SH3BP2: variants seen among roughly 807,000 people sequenced by gnomAD.
The protein encoded by SH3BP2 is SH3 domain-binding protein 2.
A neutral mutation model predicts 56.2 loss-of-function variants in SH3BP2; 38 were observed. The observed-to-expected ratio is 0.68, with a 90% CI of 0.52 to 0.89. The LOEUF (loss-of-function observed/expected upper bound fraction) is 0.89. Ranked by LOEUF, SH3BP2 falls within the 40% of genes least tolerant of loss-of-function variation. SH3BP2 has a pLI of 0.00. For synonymous variants in SH3BP2, 346 were observed against 316.7 expected (o/e 1.09, Z -0.98); for missense variants, 748 against 762.6 (o/e 0.98, Z 0.23).
At position 2,810,771 on chromosome 4, in the gene SH3BP2, A is replaced by T. The variant is rs897842516; in HGVS notation, c.-4-9843A>T. Among the ~76,000 whole-genome samples the T allele has an allele frequency of 1.3e-5, 2 of 151,742 alleles. No individual in the cohort carries two copies. The highest frequency in any genetic ancestry group is 4.8e-5 in the African/African-American group (2 of 41,296). On this transcript the variant is annotated intron_variant, in intron 1 of 12. Transcript: ENST00000503393. This position sits in a 1 kb window ranked among gnomAD's most constrained non-coding sequence, Gnocchi z 4.2. Reference sequence around the variant, plus strand: ...CCACAGGGCCTGGTCCCTCCTCTGGACCCTGCAGCCCCAACTGTCAGAACT... The same window carrying T: ...CCACAGGGCCTGGTCCCTCCTCTGGTCCCTGCAGCCCCAACTGTCAGAACT...
At chr4:2,797,966 C>T (rs1035973701) in intron 1 of SH3BP2, among the ~76,000 whole-genome samples, 4 of 152,222 alleles carry the variant, frequency 2.6e-5, no homozygotes, top group Non-Finnish European at 5.9e-5. Flanking sequence ...TGGCAGCTGC[C>T]GCCCAGTTGG....
In SH3BP2 at chr4:2,804,604, C is replaced by G. The variant is rs1036841388; in HGVS notation, c.-5+11466C>G. On this transcript the variant is annotated intron_variant, in intron 1 of 12. Transcript: ENST00000503393. ...CTGTACCCCACATGGCGTGGCCCACCCTGTGTCCCCTGGCCTCCTACCCAG... is the reference window on the plus strand; with the variant it reads ...CTGTACCCCACATGGCGTGGCCCACGCTGTGTCCCCTGGCCTCCTACCCAG... 5.3e-5 allele frequency among the ~76,000 whole-genome samples: 8 copies of G among 152,200 alleles called. 1 individual carries two copies. Among genetic ancestry groups the G allele is most frequent in the Admixed American group, 2.0e-4 (3 of 15,290 alleles).
chr4:2,796,210 C>G (rs1232958176), intron 1 of SH3BP2, among the ~76,000 whole-genome samples: 1 of 152,182 alleles, frequency 6.6e-6, no homozygotes, highest in Non-Finnish European at 1.5e-5. Context: ...ATTTGGGTTC[C>G]GTGCCGGGCC....
intron 3 of SH3BP2, 48 bp downstream of exon 3, chr4:2,823,085 G>A (rs926599566): frequency 7.3e-7 from 1 of 1,368,980 alleles, no homozygotes. Flanking sequence ...CAGCCAGCGG[G>A]TCCCTCCCAG....
At chr4:2,812,300 A>G (rs894614511) in intron 1 of SH3BP2, 1 of 1,547,904 alleles carries the variant, frequency 6.5e-7, no homozygotes, top group African/African-American at 1.4e-5. Context: ...CAGAAGCAGC[A>G]GGAGTGAGCT....
intron 11 of SH3BP2, 57 bp from the exon 12 acceptor site, chr4:2,832,933 C>A: frequency 6.4e-7 from 1 of 1,553,422 alleles, no homozygotes; most frequent in Middle Eastern, 1.7e-4. Flanking sequence ...CATGGTCTCC[C>A]GAGGCTGGTC....
At position 2,829,398 on chromosome 4, in the gene SH3BP2, T is replaced by C; in HGVS notation, c.587-95T>C. 2 of 1,345,890 alleles carry C rather than the reference T, an allele frequency of 1.5e-6. No individual in the cohort carries two copies. The highest frequency in any genetic ancestry group is 3.4e-5 in the Admixed American group (2 of 59,580). 83.4% of individuals were successfully genotyped at this position (1,345,890 alleles called of 1,614,324 possible). On this transcript the variant is annotated intron_variant, in intron 7 of 12. Coordinates refer to ENST00000503393, the MANE Select transcript of SH3BP2 (RefSeq NM_001122681.2). The surrounding 1 kb of genome is among the most constrained non-coding windows in gnomAD (Gnocchi z 4.9). ...GGCTGTGGGGTGGGCCTACCATGGG[T>C]TGCACTCCTGGTTGGCCTGGCTGAC...
rs1253764258 is a variant in SH3BP2 at position 2,829,640 on chromosome 4, C to T, written c.734C>T (p.Pro245Leu). 1 of 1,613,184 alleles carries T rather than the reference C, an allele frequency of 6.2e-7. No homozygotes were observed. The highest frequency in any genetic ancestry group is 8.5e-7 in the Non-Finnish European group (1 of 1,179,868). The stretch of plus-strand genomic sequence containing the variant: ...CCCCCGCCCCCTAAGCACGGCCTCC[C>T]AGATGTTGGCCTGGCTGCTGAGGAC... ...LPPPPPKHGLPDVGLAAEDSK... is the reference protein window; with the variant it reads ...LPPPPPKHGLLDVGLAAEDSK... Residue 245 changes from proline (P) to leucine (L), a missense_variant, in exon 8 of 13, where the codon CCA (proline) becomes CTA (leucine). Pro to Leu is a moderately conservative substitution (Grantham distance 98). Coordinates refer to ENST00000503393, the MANE Select transcript of SH3BP2 (RefSeq NM_001122681.2). The surrounding 1 kb of genome is among the most constrained non-coding windows in gnomAD (Gnocchi z 4.9).
At chr4:2,822,282 A>G (rs1479445962) in intron 2 of SH3BP2, among the ~76,000 whole-genome samples, 1 of 152,150 alleles carries the variant, frequency 6.6e-6, no homozygotes, top group African/African-American at 2.4e-5. Flanking sequence ...CAGCCTCCCA[A>G]GTAGCTGGAA....
At chr4:2,827,478 T>A (rs1018831825) in intron 6 of SH3BP2, 128 bp from the exon 7 acceptor site, 47 of 1,189,776 alleles carry the variant, frequency 4.0e-5, no homozygotes, top group Admixed American at 7.8e-5. Context: ...AGCGGCAGGG[T>A]CTGGACTCAC....
intron 11 of SH3BP2, among the ~76,000 whole-genome samples, chr4:2,832,638 G>A (rs903955895): frequency 1.3e-5 from 2 of 152,212 alleles, no homozygotes; most frequent in African/African-American, 2.4e-5. Context: ...GCCAGGACTC[G>A]GGTGGGGTAG....
chr4:2,811,519 C>T (rs1323520954), intron 1 of SH3BP2, among the ~76,000 whole-genome samples: 1 of 152,232 alleles, frequency 6.6e-6, no homozygotes, highest in East Asian at 1.9e-4. Context: ...CCATTCCCTG[C>T]TTCCGGGCTC....
chr4:2,822,856 G>T, intron 2 of SH3BP2, 79 bp from the exon 3 acceptor site: 1 of 1,079,132 alleles, frequency 9.3e-7, no homozygotes, highest in Non-Finnish European at 1.4e-6. Flanking sequence ...GCCCCAAGTT[G>T]TCCTGTGGAG....
rs1009003904 is a variant in SH3BP2 at position 2,840,365 on chromosome 4, A to G, written c.*6531A>G. The G allele has an allele frequency of 4.6e-5, 7 of 151,544 alleles. No homozygotes were observed. The highest frequency in any genetic ancestry group is 1.7e-4 in the African/African-American group (7 of 41,228). 9.4% of individuals were successfully genotyped at this position (151,544 alleles called of 1,614,324 possible). A position where few individuals can be genotyped will look rare whatever the true frequency, so the allele number is the denominator to read the frequency against. On this transcript the variant is annotated 3_prime_UTR_variant, in exon 13 of 13. Coordinates refer to ENST00000503393, the MANE Select transcript of SH3BP2 (RefSeq NM_001122681.2). ...ATATTTAGGCCTTTAATTCACCTAG[A>G]TTTGGTTTTTTGCATATGGTGTGAG...
rs754776722 is a variant in SH3BP2 at position 2,827,686 on chromosome 4, G to A, written c.586+12G>A. 19 of 1,548,802 alleles carry A rather than the reference G, an allele frequency of 1.2e-5. No individual in the cohort carries two copies. The highest frequency in any genetic ancestry group is 6.8e-5 in the African/African-American group (5 of 73,492). On this transcript the variant is annotated intron_variant, in intron 7 of 12. Transcript: ENST00000503393. ...CGGAAGGCTTGAGGGTAGGTGGGGC[G>A]GGTGGGCCCGGGGAGCTCTGGGTGT...
chr4:2,806,244 G>A (rs375501085), intron 1 of SH3BP2, among the ~76,000 whole-genome samples: 126 of 152,270 alleles, frequency 8.3e-4, no homozygotes, highest in African/African-American at 2.5e-3. Flanking sequence ...CGCCCCTCTC[G>A]GGACCCTGCG....
At chr4:2,819,037 A>G (rs1047622172) in intron 1 of SH3BP2, 2 of 292,942 alleles carry the variant, frequency 6.8e-6, no homozygotes, top group African/African-American at 4.6e-5. Context: ...GGCTCAATCG[A>G]TCCTCCTGGA....
chr4:2,815,008 G>C (rs1395339376), intron 1 of SH3BP2: 1 of 152,288 alleles, frequency 6.6e-6, no homozygotes, highest in Non-Finnish European at 1.5e-5. Flanking sequence ...CACAGCCAGG[G>C]AGGCCTGGCC....
At chr4:2,826,779 C>T (rs1398796627) in intron 5 of SH3BP2, 13 of 381,284 alleles carry the variant, frequency 3.4e-5, no homozygotes, top group Admixed American at 9.1e-5. Flanking sequence ...GTCCGTGTGT[C>T]GCTCGTCTGT....
Sources: allele counts gnomAD v4.1 joint callset (sites outside exome capture counted in the v4.1 genomes callset), GRCh38; gene constraint gnomAD v4.1.1; non-coding constraint Gnocchi (gnomAD v3.1); transcripts MANE v1.5; gene names NCBI Gene and HGNC (gene_info 2026-07-23, HGNC 2026-07-21).